Variants in LRBA observed in about 807,000 individuals in gnomAD.
LRBA encodes the protein LPS responsive beige-like anchor protein.
In LRBA, 176 loss-of-function variants were observed where a neutral mutation model predicts 330.0. The ratio of observed to expected loss-of-function variants is 0.53; its 90% CI spans 0.47 to 0.60. The LOEUF (loss-of-function observed/expected upper bound fraction) is 0.60. LRBA is among the 20% of genes least tolerant of loss of function. The pLI, the probability that LRBA is intolerant of heterozygous loss-of-function variation, is 0.00. For missense variants in LRBA, 3,259 were observed against 3,444.8 expected (o/e 0.95, Z 1.35); for synonymous variants, 1,230 against 1,193.0 (o/e 1.03, Z -0.64).
chr4:150,434,718 G>T (rs1254815582), intron 46 of LRBA, among the ~76,000 whole-genome samples: 1 of 152,030 alleles, frequency 6.6e-6, no homozygotes, highest in Non-Finnish European at 1.5e-5. Context: ...TAGCGTGGTG[G>T]TACATGCCTG....
At chr4:150,572,317 G>T (rs1469413194) in intron 40 of LRBA, among the ~76,000 whole-genome samples, 3 of 151,804 alleles carry the variant, frequency 2.0e-5, no homozygotes, top group Non-Finnish European at 4.4e-5. Flanking sequence ...ATTTAAAATT[G>T]GTCTGCAATT....
intron 48 of LRBA, among the ~76,000 whole-genome samples, chr4:150,338,930 T>C (rs1229699833): frequency 6.6e-6 from 1 of 150,820 alleles, no homozygotes; most frequent in Non-Finnish European, 1.5e-5. Flanking sequence ...CTTTGATAAA[T>C]ACATTTTTAA....
intron 46 of LRBA, among the ~76,000 whole-genome samples, chr4:150,417,988 A>G (rs2151956854): frequency 6.6e-6 from 1 of 151,646 alleles, no homozygotes; most frequent in South Asian, 2.1e-4. Context: ...TGCTCAAAAC[A>G]AATATTCTCC....
chr4:150,825,174 A>G (rs1054003675), intron 30 of LRBA, among the ~76,000 whole-genome samples: 14 of 152,256 alleles, frequency 9.2e-5, no homozygotes, highest in African/African-American at 3.4e-4. Flanking sequence ...TACCATCTAC[A>G]GTTAAAAGAA....
At position 150,347,193 on chromosome 4, in the gene LRBA, T is replaced by C. The variant is rs75808806; in HGVS notation, c.7362+2799A>G. 7.1e-4 allele frequency among the ~76,000 whole-genome samples: 108 copies of C among 152,336 alleles called. 2 individuals are homozygous for C. The East Asian group carries it at 0.017, about 24-fold the overall frequency. On this transcript the variant is annotated intron_variant, in intron 48 of 56. Transcript: ENST00000651943. ...AAATTTATAGAGATAAAAAGTAGCATTGTAATTGTACAGGGACTGGGGAGG... is the reference window on the plus strand; with the variant it reads ...AAATTTATAGAGATAAAAAGTAGCACTGTAATTGTACAGGGACTGGGGAGG...
At chr4:151,007,653 C>A (rs1396134380) in intron 2 of LRBA, among the ~76,000 whole-genome samples, 2 of 151,310 alleles carry the variant, frequency 1.3e-5, no homozygotes, top group African/African-American at 4.9e-5. Context: ...GTCAGGAGAT[C>A]GAGACCATCC....
At chr4:150,614,512 G>T (rs919688886) in intron 37 of LRBA, among the ~76,000 whole-genome samples, 1 of 152,094 alleles carries the variant, frequency 6.6e-6, no homozygotes, top group African/African-American at 2.4e-5. Context: ...GCCTAAAATT[G>T]TCTATGATAC....
At chr4:150,708,256 C>A (rs1384945528) in intron 36 of LRBA, among the ~76,000 whole-genome samples, 1 of 151,832 alleles carries the variant, frequency 6.6e-6, no homozygotes, top group Admixed American at 6.6e-5. Flanking sequence ...AGAGATAACT[C>A]AATTCTGTTC....
chr4:150,449,328 G>A (rs182720980), intron 44 of LRBA, among the ~76,000 whole-genome samples: 121 of 152,064 alleles, frequency 8.0e-4, no homozygotes, highest in African/African-American at 2.9e-3. Flanking sequence ...GCTACTACTG[G>A]GAGAAGGATA....
At chr4:150,543,835 C>T (rs1386987015) in intron 40 of LRBA, among the ~76,000 whole-genome samples, 2 of 152,024 alleles carry the variant, frequency 1.3e-5, no homozygotes, top group Non-Finnish European at 2.9e-5. Context: ...CAACAAATAC[C>T]AGTCATTTAC....
At chr4:150,754,919 T>C (rs1560773889) in intron 35 of LRBA, among the ~76,000 whole-genome samples, 1 of 152,220 alleles carries the variant, frequency 6.6e-6, no homozygotes, top group Non-Finnish European at 1.5e-5. Context: ...CTTCCACTGA[T>C]ACAGATAAGA....
At chr4:150,892,886 G>C (rs1246070835) in intron 17 of LRBA, among the ~76,000 whole-genome samples, 166 bp downstream of exon 17, 3 of 151,870 alleles carry the variant, frequency 2.0e-5, no homozygotes, top group African/African-American at 7.3e-5. Flanking sequence ...TATAATTAAA[G>C]ATTCATTGAA....
chr4:150,292,708 A>C (rs188889560), intron 53 of LRBA, among the ~76,000 whole-genome samples: 1 of 152,208 alleles, frequency 6.6e-6, no homozygotes, highest in East Asian at 1.9e-4. Context: ...GAAAGGAGTA[A>C]AACACAGCCT....
At chr4:150,671,110 T>A (rs1331076634) in intron 37 of LRBA, among the ~76,000 whole-genome samples, 3 of 151,408 alleles carry the variant, frequency 2.0e-5, no homozygotes, top group African/African-American at 7.3e-5. Flanking sequence ...ACAAAAGGTA[T>A]AGTCAGAGAA....
chr4:150,461,848 G>C (rs1214117319), intron 44 of LRBA, among the ~76,000 whole-genome samples: 2 of 151,538 alleles, frequency 1.3e-5, no homozygotes, highest in Non-Finnish European at 3.0e-5. Flanking sequence ...TGGTCAACTA[G>C]AAGAAACATG....
chr4:150,433,663 T>C (rs928400782), intron 46 of LRBA, among the ~76,000 whole-genome samples: 5 of 152,138 alleles, frequency 3.3e-5, no homozygotes, highest in Admixed American at 6.5e-5. Context: ...GTCAGGCTTA[T>C]CAATATTTTC....
rs865793271 is a variant in LRBA at position 150,421,088 on chromosome 4, A to T, written c.7042-5498T>A. On this transcript the variant is annotated intron_variant, in intron 46 of 56. Coordinates refer to ENST00000651943, the MANE Select transcript of LRBA (RefSeq NM_001364905.1). ...TAAAGTATATATAATATACATTATAATATATATAAAGTATATATAATATAC... is the reference window on the plus strand; with the variant it reads ...TAAAGTATATATAATATACATTATATTATATATAAAGTATATATAATATAC... 2.6e-3 allele frequency among the ~76,000 whole-genome samples: 146 copies of T among 55,112 alleles called. 10 individuals are homozygous for T. The highest frequency in any genetic ancestry group is 0.012 in the African/African-American group (123 of 10,138). The allele number at this position is 55,112 out of a possible 152,430, so 36.2% of individuals were successfully genotyped here.
At chr4:150,854,366 C>T (rs148442818) in intron 22 of LRBA, among the ~76,000 whole-genome samples, 53 of 152,290 alleles carry the variant, frequency 3.5e-4, no homozygotes, top group African/African-American at 1.1e-3. Flanking sequence ...ATTTCTTTTA[C>T]ATTCACAATG....
chr4:150,901,817 T>C (rs946238841), intron 13 of LRBA, among the ~76,000 whole-genome samples: 2 of 152,180 alleles, frequency 1.3e-5, no homozygotes, highest in Non-Finnish European at 2.9e-5. Flanking sequence ...TGCCGCAAAA[T>C]GTTATTTTGA....
Sources: gnomAD v4.1 joint callset for allele counts (sites outside exome capture counted in the v4.1 genomes callset) on GRCh38, gnomAD v4.1.1 for gene constraint, MANE v1.5 for transcripts, NCBI Gene and HGNC (gene_info 2026-07-23, HGNC 2026-07-21) for gene names.